Variants in KCNJ6 observed in about 807,000 individuals in gnomAD.
KCNJ6 encodes potassium inwardly rectifying channel subfamily J member 6.
A neutral mutation model predicts 34.2 loss-of-function variants in KCNJ6; 9 were observed. The ratio of observed to expected loss-of-function variants is 0.26; its 90% CI spans 0.16 to 0.46. KCNJ6 has a LOEUF of 0.46. Ranked by LOEUF, KCNJ6 falls within the 20% of genes least tolerant of loss-of-function variation. KCNJ6 has a pLI of 1.00. For missense variants in KCNJ6, 236 were observed against 531.3 expected (o/e 0.44, Z 5.46); for synonymous variants, 196 against 207.1 (o/e 0.95, Z 0.46).
At chr21:37,716,789 G>A (rs987400064) in intron 2 of KCNJ6, among the ~76,000 whole-genome samples, 1 of 152,130 alleles carries the variant, frequency 6.6e-6, no homozygotes, top group African/African-American at 2.4e-5. Flanking sequence ...TTTTGGAACC[G>A]ATTTCTGCTG....
intron 1 of KCNJ6, among the ~76,000 whole-genome samples, chr21:37,863,845 GGTTTTTTTTTTTTT>G (rs1026892296): frequency 3.2e-4 from 11 of 34,500 alleles, no homozygotes; most frequent in South Asian, 2.1e-3. Context: ...AAAATATAAA[GGTTTTTTTTTTTTT>G]GTTTTTTTTT....
intron 3 of KCNJ6, among the ~76,000 whole-genome samples, chr21:37,640,774 C>A (rs1601399172): frequency 6.6e-6 from 1 of 152,270 alleles, no homozygotes; most frequent in East Asian, 1.9e-4. Context: ...CTGCATTTTT[C>A]AGGCACTGGT....
At position 37,615,573 on chromosome 21, in the gene KCNJ6, T is replaced by G. The variant is rs939464915; in HGVS notation, c.*9586A>C. On this transcript the variant is annotated 3_prime_UTR_variant, in exon 4 of 4. Transcript: ENST00000609713. ...TACCTTTTATGCCAATATAGGGGAG[T>G]CTATTCTCAAGTTCAAAGCCAGATG... The G allele has an allele frequency of 6.6e-6, 1 of 151,996 alleles. No homozygotes were observed. Among genetic ancestry groups the G allele is most frequent in the African/African-American group, 2.4e-5 (1 of 41,368 alleles). 9.4% of individuals were successfully genotyped at this position (151,996 alleles called of 1,614,324 possible).
chr21:37,845,683 C>T (rs2055503376), intron 1 of KCNJ6, among the ~76,000 whole-genome samples: 1 of 152,188 alleles, frequency 6.6e-6, no homozygotes, highest in Admixed American at 6.5e-5. Flanking sequence ...AGAACCTGTT[C>T]TTGCTATTTG....
chr21:37,795,622 G>A (rs961828070), intron 2 of KCNJ6, among the ~76,000 whole-genome samples: 11 of 151,918 alleles, frequency 7.2e-5, no homozygotes, highest in Admixed American at 5.9e-4. Context: ...GTGGGTGCCT[G>A]TAATCCCAGC....
chr21:37,837,891 T>C (rs1458990255), intron 2 of KCNJ6, among the ~76,000 whole-genome samples: 1 of 152,208 alleles, frequency 6.6e-6, no homozygotes, highest in Non-Finnish European at 1.5e-5. Context: ...TAGTCATGAG[T>C]TTAATTTAAA....
At position 37,724,709 on chromosome 21, in the gene KCNJ6, C is replaced by T. The variant is rs145727301; in HGVS notation, c.26-9578G>A. On this transcript the variant is annotated intron_variant, in intron 2 of 3. Coordinates refer to ENST00000609713, the MANE Select transcript of KCNJ6 (RefSeq NM_002240.5). ...ATCTGCAGACATTCAGGTGAGTTCTCCTGTAGGCAACCAGGTGTGTGGGGC... is the reference window on the plus strand; with the variant it reads ...ATCTGCAGACATTCAGGTGAGTTCTTCTGTAGGCAACCAGGTGTGTGGGGC... Among the ~76,000 whole-genome samples the T allele has an allele frequency of 2.2e-3, 332 of 152,258 alleles. 1 individual carries two copies. Among genetic ancestry groups the T allele is most frequent in the Middle Eastern group, 6.8e-3 (2 of 292 alleles).
In KCNJ6 at chr21:37,695,727, C is replaced by G. The variant is rs912681530; in HGVS notation, c.946+18484G>C. Among the ~76,000 whole-genome samples the G allele has an allele frequency of 7.9e-5, 12 of 152,134 alleles. No individual in the cohort carries two copies. The highest frequency in any genetic ancestry group is 1.2e-4 in the Non-Finnish European group (8 of 68,030). ...CCGACCTCTTTTGTAAATGGAGGGA[C>G]CTGGTATGAATATCTTCTCGGTACA... is the stretch of plus-strand genomic sequence containing the variant. On this transcript the variant is annotated intron_variant, in intron 3 of 3. Coordinates refer to ENST00000609713, the MANE Select transcript of KCNJ6 (RefSeq NM_002240.5). The surrounding 1 kb of genome is among the most constrained non-coding windows in gnomAD (Gnocchi z 4.2).
chr21:37,663,394 A>T (rs1452588313), intron 3 of KCNJ6, among the ~76,000 whole-genome samples: 1 of 152,168 alleles, frequency 6.6e-6, no homozygotes, highest in Non-Finnish European at 1.5e-5. Context: ...TGAGCAAAAA[A>T]GTTGAAGACC....
At chr21:37,666,962 T>G (rs1237182932) in intron 3 of KCNJ6, among the ~76,000 whole-genome samples, 2 of 150,578 alleles carry the variant, frequency 1.3e-5, no homozygotes, top group Non-Finnish European at 3.0e-5. Flanking sequence ...GCATACTCGT[T>G]AAGAGTCATC....
chr21:37,845,293 G>A (rs1264402914), intron 1 of KCNJ6, among the ~76,000 whole-genome samples: 4 of 152,190 alleles, frequency 2.6e-5, no homozygotes, highest in African/African-American at 7.2e-5. Context: ...AGAAAAGCAG[G>A]AATCATACTT....
intron 1 of KCNJ6, among the ~76,000 whole-genome samples, chr21:37,876,685 T>A (rs2055680054): frequency 6.6e-6 from 1 of 151,952 alleles, no homozygotes. Context: ...TGTCTTTAGG[T>A]TGAGAGTTGA....
Position 37,851,227 on chromosome 21 carries a change from CT to C in KCNJ6, c.-27-10519del, listed in dbSNP as rs138333795. ...CTGTTCTCAAAACAGGATACTATCC[CT>C]GCTGAACTCTGCCACAGCATTGTCA... is the stretch of plus-strand genomic sequence containing the variant. On this transcript the variant is annotated intron_variant, in intron 1 of 3. Coordinates refer to ENST00000609713, the MANE Select transcript of KCNJ6 (RefSeq NM_002240.5). Among the ~76,000 whole-genome samples, 245 of 152,308 alleles carry C rather than the reference CT, an allele frequency of 1.6e-3. 7 individuals are homozygous for C. The East Asian group carries it at 0.041, about 25-fold the overall frequency.
At chr21:37,825,381 A>G (rs1348682234) in intron 2 of KCNJ6, among the ~76,000 whole-genome samples, 1 of 152,194 alleles carries the variant, frequency 6.6e-6, no homozygotes, top group Non-Finnish European at 1.5e-5. Context: ...TGCTTTAAAA[A>G]AATTTATCCT....
rs933442174 is a variant in KCNJ6 at position 37,621,077 on chromosome 21, T to A, written c.*4082A>T. The A allele has an allele frequency of 6.6e-6, 1 of 152,234 alleles. No individual in the cohort carries two copies. Among genetic ancestry groups the A allele is most frequent in the African/African-American group, 2.4e-5 (1 of 41,454 alleles). 9.4% of individuals were successfully genotyped at this position (152,234 alleles called of 1,614,324 possible). A position where few individuals can be genotyped will look rare whatever the true frequency, so the allele number is the denominator to read the frequency against. ...TCATCTATTATGTATATGTTACCTA[T>A]GTTTTTCAATGTTAAAGCCATCCAT... is the stretch of plus-strand genomic sequence containing the variant. On this transcript the variant is annotated 3_prime_UTR_variant, in exon 4 of 4. Coordinates refer to ENST00000609713, the MANE Select transcript of KCNJ6 (RefSeq NM_002240.5).
chr21:37,696,489 C>T (rs188114418), intron 3 of KCNJ6, among the ~76,000 whole-genome samples: 2 of 152,182 alleles, frequency 1.3e-5, no homozygotes, highest in African/African-American at 4.8e-5. Context: ...TACAAAATAA[C>T]TGCTCTATAG....
intron 2 of KCNJ6, among the ~76,000 whole-genome samples, chr21:37,780,961 A>T (rs7283399): frequency 6.6e-6 from 1 of 152,078 alleles, no homozygotes; most frequent in Non-Finnish European, 1.5e-5. Context: ...AATAACAAAC[A>T]TGGCCTATTT....
intron 2 of KCNJ6, among the ~76,000 whole-genome samples, chr21:37,775,217 T>C (rs1359010099): frequency 2.6e-5 from 4 of 152,180 alleles, no homozygotes; most frequent in Non-Finnish European, 5.9e-5. Flanking sequence ...TTCTTGTAAA[T>C]TTGTTTGAGT....
At chr21:37,897,448 ACTTT>A (rs2055794531) in intron 1 of KCNJ6, among the ~76,000 whole-genome samples, 1 of 152,128 alleles carries the variant, frequency 6.6e-6, no homozygotes, top group African/African-American at 2.4e-5. Flanking sequence ...ACCACACAAC[ACTTT>A]CTTTCTAGAA....
Sources: allele counts gnomAD v4.1 joint callset (sites outside exome capture counted in the v4.1 genomes callset), GRCh38; gene constraint gnomAD v4.1.1; non-coding constraint Gnocchi (gnomAD v3.1); transcripts MANE v1.5; gene names NCBI Gene and HGNC (gene_info 2026-07-23, HGNC 2026-07-21).